Variants in CACNA2D3 observed in about 807,000 individuals in gnomAD.
The protein encoded by CACNA2D3 is voltage-dependent calcium channel subunit alpha-2/delta-3.
A neutral mutation model predicts 160.6 loss-of-function variants in CACNA2D3; 60 were observed. The ratio of observed to expected loss-of-function variants is 0.37; its 90% CI spans 0.30 to 0.46. The LOEUF is 0.46. Ranked by LOEUF, CACNA2D3 falls within the 20% of genes least tolerant of loss-of-function variation. The probability of loss-of-function intolerance (pLI) is 1.00; values close to 1 mark genes in which losing one functional copy is unlikely to be tolerated. For missense variants in CACNA2D3, 1,205 were observed against 1,365.0 expected, an observed-to-expected ratio of 0.88 and a Z score of 1.85; for synonymous variants, 558 against 492.9, an observed-to-expected ratio of 1.13 and a Z score of -1.75.
In CACNA2D3 at chr3:54,910,982, C is replaced by T. The variant is rs368846482; in HGVS notation, c.2449+11114C>T. 6.6e-5 allele frequency among the ~76,000 whole-genome samples: 10 copies of T among 152,292 alleles called. 1 individual carries two copies. In the South Asian group the frequency reaches 8.3e-4, roughly 13 times the overall value. On this transcript the variant is annotated intron_variant, in intron 27 of 37. Coordinates refer to ENST00000474759, the MANE Select transcript of CACNA2D3 (RefSeq NM_018398.3). Reference sequence around the variant, plus strand: ...AAAAATACAATGAAATTCCACGTATCTTGTGCCCAATCCCAGTAGCCATCA... The same window carrying T: ...AAAAATACAATGAAATTCCACGTATTTTGTGCCCAATCCCAGTAGCCATCA...
chr3:54,970,459 TCCCCTCC>T (rs2107072156), intron 29 of CACNA2D3, among the ~76,000 whole-genome samples: 2 of 73,348 alleles, frequency 2.7e-5, no homozygotes, highest in South Asian at 5.9e-4. Context: ...CCTCCTCTCC[TCCCCTCC>T]GTTCCTCACC....
At chr3:54,342,926 C>CG (rs1345465433) in intron 3 of CACNA2D3, among the ~76,000 whole-genome samples, 1 of 152,016 alleles carries the variant, frequency 6.6e-6, no homozygotes, top group Non-Finnish European at 1.5e-5. Context: ...GCATGAGGCC[C>CG]GGGGGGGCCC....
chr3:54,888,416 G>A (rs544837943), intron 24 of CACNA2D3, among the ~76,000 whole-genome samples: 1 of 152,248 alleles, frequency 6.6e-6, no homozygotes, highest in African/African-American at 2.4e-5. Flanking sequence ...GTTGTGAGTA[G>A]GATGGAGAAG....
At chr3:54,392,001 T>G (rs1699290635) in intron 4 of CACNA2D3, among the ~76,000 whole-genome samples, 1 of 152,244 alleles carries the variant, frequency 6.6e-6, no homozygotes, top group African/African-American at 2.4e-5. Context: ...CTCTCCTTTT[T>G]TACTTTATGC....
chr3:55,008,649 C>T (rs1703146792), intron 33 of CACNA2D3, among the ~76,000 whole-genome samples: 2 of 152,022 alleles, frequency 1.3e-5, no homozygotes, highest in African/African-American at 4.8e-5. Context: ...TCTCCATATA[C>T]ACATGAGGCA....
In CACNA2D3 at chr3:54,321,940, A is replaced by AC. The variant is rs1207165825; in HGVS notation, c.321+1382_321+1383insC. On this transcript the variant is annotated intron_variant, in intron 3 of 37. Coordinates refer to ENST00000474759, the MANE Select transcript of CACNA2D3 (RefSeq NM_018398.3). The stretch of plus-strand genomic sequence containing the variant: ...ATCCTTGCAAAAAAAAAAAAAAAAA[A>AC]AACTAGTAACAGCATTGTCAATTTG... Among the ~76,000 whole-genome samples the AC allele has an allele frequency of 1.9e-4, 29 of 152,160 alleles. No individual in the cohort carries two copies. In the East Asian group the frequency reaches 5.4e-3, roughly 28 times the overall value.
intron 2 of CACNA2D3, among the ~76,000 whole-genome samples, chr3:54,280,218 A>G (rs1045869972): frequency 2.6e-5 from 4 of 152,066 alleles, no homozygotes; most frequent in Non-Finnish European, 5.9e-5. Flanking sequence ...AGTAGCTGGA[A>G]CTACAGGTGC....
intron 9 of CACNA2D3, among the ~76,000 whole-genome samples, chr3:54,593,571 A>G (rs1194927851): frequency 2.0e-4 from 31 of 152,210 alleles, no homozygotes; most frequent in Admixed American, 2.0e-3. Context: ...TAAAGAAAAT[A>G]TTTTAAATAA....
At chr3:54,167,890 CAAGGGTGAG>C (rs1379854412) in intron 2 of CACNA2D3, among the ~76,000 whole-genome samples, 3 of 152,188 alleles carry the variant, frequency 2.0e-5, no homozygotes, top group Non-Finnish European at 4.4e-5. Context: ...TTGTCTAATT[CAAGGGTGAG>C]CGCAGTATTT....
At chr3:54,344,084 G>A (rs1698412989) in intron 3 of CACNA2D3, among the ~76,000 whole-genome samples, 1 of 152,170 alleles carries the variant, frequency 6.6e-6, no homozygotes, top group African/African-American at 2.4e-5. Context: ...ATCTCACCAT[G>A]TCACAGATAA....
In CACNA2D3 at chr3:54,411,456, G is replaced by A. The variant is rs896475354; in HGVS notation, c.381+24682G>A. Among the ~76,000 whole-genome samples the A allele has an allele frequency of 5.8e-4, 88 of 152,186 alleles. 1 individual carries two copies. The highest frequency in any genetic ancestry group is 5.6e-3 in the Admixed American group (86 of 15,278). ...CAACCATCACCCTGATCAGTCAGCAGCCATCAACATGGAGTCAAGACCCTC... is the reference window on the plus strand; with the variant it reads ...CAACCATCACCCTGATCAGTCAGCAACCATCAACATGGAGTCAAGACCCTC... On this transcript the variant is annotated intron_variant, in intron 4 of 37. Transcript: ENST00000474759.
At chr3:54,140,472 G>A (rs935336590) in intron 2 of CACNA2D3, among the ~76,000 whole-genome samples, 2 of 152,180 alleles carry the variant, frequency 1.3e-5, no homozygotes, top group Non-Finnish European at 2.9e-5. Context: ...CCTCTCCATT[G>A]CTGCCAGGCA....
intron 4 of CACNA2D3, among the ~76,000 whole-genome samples, chr3:54,419,397 C>A (rs917164972): frequency 6.6e-5 from 10 of 152,192 alleles, no homozygotes; most frequent in Admixed American, 2.0e-4. Flanking sequence ...TGCTCAGTTT[C>A]ATTTCTTGTT....
intron 2 of CACNA2D3, among the ~76,000 whole-genome samples, chr3:54,216,251 A>C (rs11130401): frequency 0.34 from 51,755 of 152,078 alleles, 10,039 homozygotes; most frequent in Non-Finnish European, 0.43. Flanking sequence ...AGGCTTTGAG[A>C]GATGGAATCT....
intron 2 of CACNA2D3, among the ~76,000 whole-genome samples, chr3:54,278,320 A>G (rs1486426052): frequency 6.6e-6 from 1 of 152,238 alleles, no homozygotes; most frequent in East Asian, 1.9e-4. Flanking sequence ...AATGGTGATC[A>G]TTAAAAAGTG....
chr3:55,026,189 G>A (rs1017484581), intron 35 of CACNA2D3, among the ~76,000 whole-genome samples: 16 of 152,158 alleles, frequency 1.1e-4, no homozygotes, highest in Non-Finnish European at 1.5e-5. Context: ...GAATGGTTTT[G>A]CCTGTTTCTT....
At chr3:54,744,829 C>A (rs1701722339) in intron 11 of CACNA2D3, among the ~76,000 whole-genome samples, 1 of 152,206 alleles carries the variant, frequency 6.6e-6, no homozygotes, top group Non-Finnish European at 1.5e-5. Context: ...GTCCTTGCAT[C>A]CATTGTCTCA....
intron 2 of CACNA2D3, among the ~76,000 whole-genome samples, chr3:54,270,597 C>T (rs1439227197): frequency 6.6e-6 from 1 of 152,158 alleles, no homozygotes; most frequent in Non-Finnish European, 1.5e-5. Flanking sequence ...CTTACAGTTC[C>T]ATAGGTTGGA....
At chr3:54,126,266 A>C (rs1699587993) in intron 2 of CACNA2D3, among the ~76,000 whole-genome samples, 1 of 152,238 alleles carries the variant, frequency 6.6e-6, no homozygotes, top group Non-Finnish European at 1.5e-5. Flanking sequence ...AAGTTAAATA[A>C]TAATTGGCCA....
Sources: allele counts gnomAD v4.1 joint callset (sites outside exome capture counted in the v4.1 genomes callset), GRCh38; gene constraint gnomAD v4.1.1; transcripts MANE v1.5; gene names NCBI Gene and HGNC (gene_info 2026-07-23, HGNC 2026-07-21).